Variants in EMC8 observed in about 807,000 individuals in gnomAD.
The protein encoded by EMC8 is COX4 neighbor.
Under a neutral mutation model 24.3 loss-of-function variants are expected in EMC8, and 11 were observed. The ratio of observed to expected loss-of-function variants is 0.45; its 90% CI spans 0.28 to 0.75. The LOEUF is 0.75. Among genes scored for constraint, EMC8 ranks in the 30% least tolerant of loss-of-function variants. The probability of loss-of-function intolerance (pLI) is 0.12; values close to 1 mark genes in which losing one functional copy is unlikely to be tolerated. For missense variants in EMC8, 277 were observed against 282.7 expected (o/e 0.98, Z 0.14); for synonymous variants, 145 against 117.7 (o/e 1.23, Z -1.50).
intron 1 of EMC8, among the ~76,000 whole-genome samples, chr16:85,789,472 A>G (rs564964705): frequency 7.9e-5 from 12 of 152,356 alleles, no homozygotes; most frequent in South Asian, 6.2e-4. Context: ...AAACAGAGCC[A>G]GAAGGGAATC....
chr16:85,781,457 G>A (rs183788684), intron 2 of EMC8, 177 bp from the exon 3 acceptor site: 21 of 581,126 alleles, frequency 3.6e-5, no homozygotes, highest in South Asian at 3.8e-5. Flanking sequence ...TAGAGATAGG[G>A]TCTTGCTCTG....
chr16:85,795,700 G>T (rs541597698), intron 1 of EMC8, among the ~76,000 whole-genome samples: 37 of 152,270 alleles, frequency 2.4e-4, no homozygotes, highest in African/African-American at 8.4e-4. Flanking sequence ...GCAGTGTCCT[G>T]TATAATAAAC....
chr16:85,791,503 G>A (rs1001633644), intron 1 of EMC8, among the ~76,000 whole-genome samples: 14 of 152,128 alleles, frequency 9.2e-5, no homozygotes, highest in Admixed American at 3.9e-4. Context: ...GGTGTGTGAT[G>A]TTCCCCTCCC....
chr16:85,798,490 A>G (rs547688719), intron 1 of EMC8: 1 of 152,406 alleles, frequency 6.6e-6, no homozygotes, highest in Admixed American at 6.5e-5. Flanking sequence ...ATTAACGGGA[A>G]CAAATTCTCT....
chr16:85,798,047 G>T (rs1905326269), intron 1 of EMC8, among the ~76,000 whole-genome samples: 1 of 149,298 alleles, frequency 6.7e-6, no homozygotes, highest in African/African-American at 2.5e-5. Context: ...AGCTGTCATT[G>T]CAAACAAAAA....
chr16:85,779,955 C>G, intron 4 of EMC8, 88 bp from the exon 5 acceptor site: 1 of 1,082,466 alleles, frequency 9.2e-7, no homozygotes, highest in East Asian at 2.4e-5. Flanking sequence ...GCCACATGCA[C>G]AGTGGTATGA....
At chr16:85,782,827 G>A (rs183842976) in intron 2 of EMC8, among the ~76,000 whole-genome samples, 1 of 152,226 alleles carries the variant, frequency 6.6e-6, no homozygotes, top group Admixed American at 6.5e-5. Context: ...CCGACCTGAG[G>A]CCACCTTTCC....
intron 1 of EMC8, among the ~76,000 whole-genome samples, chr16:85,797,546 C>A (rs1374566006): frequency 6.6e-6 from 1 of 152,208 alleles, no homozygotes; most frequent in Non-Finnish European, 1.5e-5. Context: ...GTATTATAAT[C>A]ATCTGAATCC....
chr16:85,783,269 C>T (rs1183755076), intron 2 of EMC8, among the ~76,000 whole-genome samples: 1 of 150,732 alleles, frequency 6.6e-6, no homozygotes, highest in East Asian at 2.0e-4. Flanking sequence ...TGCCACTGTA[C>T]TCCAGCCTGG....
intron 1 of EMC8, chr16:85,792,658 G>GT (rs1402809584): frequency 6.6e-6 from 1 of 152,196 alleles, no homozygotes; most frequent in African/African-American, 2.4e-5. Context: ...TGGTGTAGGT[G>GT]TGGGTGTGGC....
intron 2 of EMC8, among the ~76,000 whole-genome samples, chr16:85,786,659 T>C (rs528755274): frequency 6.6e-6 from 1 of 152,226 alleles, no homozygotes; most frequent in African/African-American, 2.4e-5. Flanking sequence ...CGGATGCATT[T>C]AAAAGTCAGT....
chr16:85,788,894 G>T, intron 2 of EMC8, 80 bp downstream of exon 2: 1 of 933,098 alleles, frequency 1.1e-6, no homozygotes, highest in Non-Finnish European at 1.7e-6. Flanking sequence ...TTTCGTATCT[G>T]GCCGAAAAGC....
intron 4 of EMC8, 120 bp from the exon 5 acceptor site, chr16:85,779,987 G>A (rs1904411708): frequency 1.3e-6 from 1 of 780,034 alleles, no homozygotes; most frequent in Non-Finnish European, 2.1e-6. Flanking sequence ...GCAGAGTACT[G>A]AGAAACATGT....
chr16:85,780,657 A>G, intron 3 of EMC8, 184 bp from the exon 4 acceptor site: 1 of 592,486 alleles, frequency 1.7e-6, no homozygotes, highest in Non-Finnish European at 3.0e-6. Flanking sequence ...GTCATGCAGG[A>G]AAACGTCAAG....
At chr16:85,780,271 T>C (rs1334715406) in intron 4 of EMC8, 108 bp downstream of exon 4, 10 of 787,218 alleles carry the variant, frequency 1.3e-5, no homozygotes, top group Non-Finnish European at 1.9e-5. Context: ...CTTGGTATCA[T>C]GCTTCTGGAG....
chr16:85,780,012 T>A (rs1211162790), intron 4 of EMC8, 145 bp from the exon 5 acceptor site: 3 of 673,694 alleles, frequency 4.5e-6, no homozygotes, highest in South Asian at 3.5e-5. Context: ...TTCAAACGCA[T>A]GAAGAGGTAT....
rs938718377 is a variant in EMC8 at position 85,778,976 on chromosome 16, T to C, written c.*732A>G. ...GTTTTTCCTAATACAAAAGAAACGA[T>C]CATTTCCCTTTCCTGGCCCTGCAGG... is the stretch of plus-strand genomic sequence containing the variant. On this transcript the variant is annotated 3_prime_UTR_variant, in exon 5 of 5. Coordinates refer to ENST00000253457, the MANE Select transcript of EMC8 (RefSeq NM_006067.5). 1.3e-5 allele frequency: 2 copies of C among 152,210 alleles called. No homozygotes were observed. The highest frequency in any genetic ancestry group is 4.8e-5 in the African/African-American group (2 of 41,448). 9.4% of individuals were successfully genotyped at this position (152,210 alleles called of 1,614,324 possible).
At chr16:85,794,761 G>A (rs1321313559) in intron 1 of EMC8, among the ~76,000 whole-genome samples, 3 of 152,118 alleles carry the variant, frequency 2.0e-5, no homozygotes, top group South Asian at 2.1e-4. Context: ...AGTAGTTACC[G>A]CAGGGAGTCA....
intron 1 of EMC8, among the ~76,000 whole-genome samples, chr16:85,794,599 G>T (rs373341313): frequency 1.3e-5 from 2 of 152,164 alleles, no homozygotes; most frequent in Non-Finnish European, 2.9e-5. Flanking sequence ...TGAGGCGGGA[G>T]AATCGCTTGA....
Sources: allele counts gnomAD v4.1 joint callset (sites outside exome capture counted in the v4.1 genomes callset), GRCh38; gene constraint gnomAD v4.1.1; transcripts MANE v1.5; gene names NCBI Gene and HGNC (gene_info 2026-07-23, HGNC 2026-07-21).